Variants in POR observed in about 807,000 individuals in gnomAD.
The protein encoded by POR is cytochrome p450 oxidoreductase.
POR carries 56 observed loss-of-function variants against 84.0 expected under a neutral mutation model. The observed-to-expected ratio is 0.67, with a 90% CI of 0.54 to 0.83. POR has a LOEUF of 0.83. Among genes scored for constraint, POR ranks in the 40% least tolerant of loss-of-function variants. The probability of loss-of-function intolerance (pLI) is 0.00; values close to 1 mark genes in which losing one functional copy is unlikely to be tolerated. For synonymous variants in POR, 414 were observed against 400.5 expected, an observed-to-expected ratio of 1.03 and a Z score of -0.40; for missense variants, 938 against 944.3, an observed-to-expected ratio of 0.99 and a Z score of 0.09.
At chr7:75,925,611 C>T (rs1270288701) in intron 1 of POR, among the ~76,000 whole-genome samples, 1 of 152,172 alleles carries the variant, frequency 6.6e-6, no homozygotes, top group African/African-American at 2.4e-5. Flanking sequence ...ATGTACTCAG[C>T]AAGTATTTGT....
Position 75,980,508 on chromosome 7 carries a change from C to CT in POR, c.516+21dup. The CT allele has an allele frequency of 6.2e-7, 1 of 1,612,752 alleles. No homozygotes were observed. The highest frequency in any genetic ancestry group is 8.5e-7 in the Non-Finnish European group (1 of 1,179,808). ...TTCGCGGTGAGTCACCCAGAGACTGCTATGGGCTCCCGGTGGCCTGCGGTG... is the reference window on the plus strand; with the variant it reads ...TTCGCGGTGAGTCACCCAGAGACTGCTTATGGGCTCCCGGTGGCCTGCGGTG... On this transcript the variant is annotated intron_variant, in intron 5 of 15. Transcript: ENST00000461988.
At chr7:75,979,749 T>C (rs1156437641) in intron 4 of POR, 170 bp downstream of exon 4, 2 of 900,804 alleles carry the variant, frequency 2.2e-6, no homozygotes, top group South Asian at 1.7e-5. Flanking sequence ...CCGGGCTGAC[T>C]GACGGAAGGG....
Position 75,954,083 on chromosome 7 carries a change from A to T in POR, c.91A>T (p.Met31Leu). The change falls in exon 2 of 16, where the codon ATG (methionine) becomes TTG (leucine). Residue 31 changes from methionine (M) to leucine (L), a missense_variant. By Grantham distance (15) the Met-to-Leu change is conservative. Coordinates refer to ENST00000461988, the MANE Select transcript of POR (RefSeq NM_000941.3). ...AGTATCTCTTTTCAGCATGACGGAC[A>T]TGATTCTGTTTTCGCTCATCGTGGG... 1 of 1,613,202 alleles carries T rather than the reference A, an allele frequency of 6.2e-7. No individual in the cohort carries two copies. Among genetic ancestry groups the T allele is most frequent in the South Asian group, 1.1e-5 (1 of 90,814 alleles).
intron 2 of POR, among the ~76,000 whole-genome samples, chr7:75,965,091 A>G (rs1420799821): frequency 6.6e-6 from 1 of 152,212 alleles, no homozygotes; most frequent in African/African-American, 2.4e-5. Context: ...AAGCCTGTGT[A>G]GGATGGCGGT....
chr7:75,981,040 C>A lies in POR; in HGVS notation c.517-8C>A. On this transcript the variant is annotated splice_polypyrimidine_tract_variant and splice_region_variant and intron_variant, in intron 5 of 15. Coordinates refer to ENST00000461988, the MANE Select transcript of POR (RefSeq NM_000941.3). ...CCAGGCCTCAGAGCGGCCCCTGTGT[C>A]CACGCAGGTGTTTGGTCTTGGGAAC... 6.4e-7 allele frequency: 1 copy of A among 1,566,254 alleles called. No homozygotes were observed. Among genetic ancestry groups the A allele is most frequent in the Non-Finnish European group, 8.7e-7 (1 of 1,154,124 alleles).
chr7:75,950,166 G>A (rs549520677), intron 1 of POR, among the ~76,000 whole-genome samples: 7 of 152,186 alleles, frequency 4.6e-5, no homozygotes, highest in Admixed American at 2.0e-4. Context: ...CACCGTGCCC[G>A]GACGATCTGA....
intron 2 of POR, among the ~76,000 whole-genome samples, chr7:75,962,457 G>T (rs1787980654): frequency 6.6e-6 from 1 of 152,090 alleles, no homozygotes; most frequent in Admixed American, 6.6e-5. Context: ...ACCATACTCG[G>T]CTAATTTTTA....
chr7:75,929,327 G>A (rs1256602727), intron 1 of POR, among the ~76,000 whole-genome samples: 13 of 152,052 alleles, frequency 8.5e-5, no homozygotes, highest in African/African-American at 1.7e-4. Flanking sequence ...GCAGTGGTGC[G>A]ATCTCAGCTC....
chr7:75,923,117 A>G (rs1446381577), intron 1 of POR: 17 of 851,464 alleles, frequency 2.0e-5, no homozygotes, highest in Admixed American at 1.6e-4. Flanking sequence ...ATGTAACCTT[A>G]TGTGACCTGG....
intron 10 of POR, among the ~76,000 whole-genome samples, chr7:75,984,084 T>G (rs1270885441): frequency 6.6e-6 from 1 of 152,112 alleles, no homozygotes; most frequent in Non-Finnish European, 1.5e-5. Context: ...GTCATAGTCC[T>G]TTAAGGGAGT....
intron 1 of POR, among the ~76,000 whole-genome samples, chr7:75,926,075 C>T (rs1478320910): frequency 6.8e-6 from 1 of 148,106 alleles, no homozygotes; most frequent in Admixed American, 6.8e-5. Flanking sequence ...TGCTCTGTCA[C>T]CCAGGATCAT....
intron 2 of POR, among the ~76,000 whole-genome samples, chr7:75,956,502 C>G (rs1563415920): frequency 6.6e-6 from 1 of 152,224 alleles, no homozygotes; most frequent in Non-Finnish European, 1.5e-5. Flanking sequence ...TAACCTCATT[C>G]TGCCTCAGTT....
Position 75,981,568 on chromosome 7 carries a change from T to A in POR, c.693T>A (p.Cys231Ter), listed in dbSNP as rs1554557958. 6.2e-7 allele frequency: 1 copy of A among 1,612,992 alleles called. No homozygotes were observed. Among genetic ancestry groups the A allele is most frequent in the African/African-American group, 1.3e-5 (1 of 74,916 alleles). Residue 231 changes from cysteine to a stop codon, truncating the protein, a stop_gained, in exon 7 of 16, where the codon TGT becomes TGA. Transcript: ENST00000461988. LOFTEE classifies it high-confidence loss of function. ...GAGAGCAGTTCTGGCCGGCCGTGTG[T>A]GAACACTTTGGGGTGGAAGCCACTG...
intron 1 of POR, among the ~76,000 whole-genome samples, chr7:75,946,273 CAT>C (rs1324524381): frequency 5.3e-5 from 8 of 152,014 alleles, no homozygotes; most frequent in African/African-American, 1.4e-4. Context: ...GGTATTCTGA[CAT>C]GTGCCTTTTT....
intron 1 of POR, among the ~76,000 whole-genome samples, chr7:75,920,766 C>G (rs939650269): frequency 2.0e-5 from 3 of 151,832 alleles, no homozygotes; most frequent in African/African-American, 7.3e-5. Flanking sequence ...CTACGGTCAC[C>G]TTTCTGAACT....
chr7:75,980,027 C>G (rs1788924312), intron 4 of POR, among the ~76,000 whole-genome samples: 1 of 152,160 alleles, frequency 6.6e-6, no homozygotes, highest in African/African-American at 2.4e-5. Flanking sequence ...AATGAGGTTC[C>G]CAGGGTGGCC....
rs1171522877 is a variant in POR, at chr7:75,954,095, T to G, written c.103T>G (p.Ser35Ala). Reference sequence around the variant, plus strand: ...CAGCATGACGGACATGATTCTGTTTTCGCTCATCGTGGGTCTCCTAACCTA... The same window carrying G: ...CAGCATGACGGACATGATTCTGTTTGCGCTCATCGTGGGTCTCCTAACCTA... Residue 35 changes from serine (S) to alanine (A), a missense_variant, in exon 2 of 16, where the codon TCG becomes GCG. By Grantham distance (99) the Ser-to-Ala change is moderately conservative. Coordinates refer to ENST00000461988, the MANE Select transcript of POR (RefSeq NM_000941.3). 4 of 1,613,236 alleles carry G rather than the reference T, an allele frequency of 2.5e-6. No homozygotes were observed. The highest frequency in any genetic ancestry group is 3.4e-6 in the Non-Finnish European group (4 of 1,179,612).
At chr7:75,923,538 C>A in intron 1 of POR, 1 of 423,056 alleles carries the variant, frequency 2.4e-6, no homozygotes, top group Non-Finnish European at 4.4e-6. Context: ...CAAGTATCTT[C>A]AGAGAAGATT....
chr7:75,981,840 T>G (rs782634575), intron 7 of POR: 37 of 584,376 alleles, frequency 6.3e-5, no homozygotes, highest in Non-Finnish European at 1.0e-4. Context: ...CGTCGGGCTC[T>G]GTGGCTAGGT....
Sources: gnomAD v4.1 joint callset for allele counts (sites outside exome capture counted in the v4.1 genomes callset) on GRCh38, gnomAD v4.1.1 for gene constraint, MANE v1.5 for transcripts, NCBI Gene and HGNC (gene_info 2026-07-23, HGNC 2026-07-21) for gene names.